The following TCERG1L variants were observed in gnomAD, a reference collection of about 807,000 sequenced individuals.
TCERG1L encodes the protein transcription elongation regulator 1-like protein.
TCERG1L carries 37 observed loss-of-function variants against 56.3 expected under a neutral mutation model. That is an observed-to-expected ratio of 0.66 (90% CI 0.51 to 0.87). TCERG1L has a LOEUF of 0.87. TCERG1L is among the 40% of genes least tolerant of loss of function. The pLI is 0.00. For synonymous variants in TCERG1L, 324 were observed against 326.3 expected (o/e 0.99, Z 0.08); for missense variants, 799 against 774.2 (o/e 1.03, Z -0.38).
chr10:131,100,550 C>G (rs1216818723), intron 10 of TCERG1L, among the ~76,000 whole-genome samples: 1 of 152,192 alleles, frequency 6.6e-6, no homozygotes, highest in African/African-American at 2.4e-5. Flanking sequence ...AAAAGAGATT[C>G]CACTGGCTGT....
chr10:131,272,310 G>A (rs1040732812), intron 3 of TCERG1L, among the ~76,000 whole-genome samples: 1 of 152,228 alleles, frequency 6.6e-6, no homozygotes, highest in African/African-American at 2.4e-5. Flanking sequence ...CAGGACACGT[G>A]CGTTTGAACT....
chr10:131,306,373 A>G (rs1589779361), intron 3 of TCERG1L, among the ~76,000 whole-genome samples: 1 of 152,204 alleles, frequency 6.6e-6, no homozygotes, highest in South Asian at 2.1e-4. Context: ...TTCTCCCCAA[A>G]ACATAATTAA....
At chr10:131,294,857 T>C (rs1381512769) in intron 3 of TCERG1L, among the ~76,000 whole-genome samples, 1 of 151,994 alleles carries the variant, frequency 6.6e-6, no homozygotes, top group East Asian at 1.9e-4. Flanking sequence ...TTAAGTTGGA[T>C]GCACTCAGGT....
chr10:131,247,946 CACAT>C (rs1293524873), intron 4 of TCERG1L, among the ~76,000 whole-genome samples: 1 of 151,924 alleles, frequency 6.6e-6, no homozygotes, highest in South Asian at 2.1e-4. Flanking sequence ...CAGGTAAACT[CACAT>C]ACACACACTA....
At chr10:131,292,196 T>C (rs1228963885) in intron 3 of TCERG1L, among the ~76,000 whole-genome samples, 2 of 152,182 alleles carry the variant, frequency 1.3e-5, no homozygotes, top group Non-Finnish European at 1.5e-5. Flanking sequence ...CAGTGTGGCG[T>C]TTTTTAGCTA....
chr10:131,155,601 C>T (rs927711704), intron 6 of TCERG1L, among the ~76,000 whole-genome samples: 1 of 152,208 alleles, frequency 6.6e-6, no homozygotes, highest in Non-Finnish European at 1.5e-5. Flanking sequence ...TTCCTCAAAC[C>T]CAGGGACTCA....
chr10:131,116,723 A>T (rs1589778948), intron 9 of TCERG1L, 76 bp downstream of exon 9: 1 of 1,529,628 alleles, frequency 6.5e-7, no homozygotes, highest in East Asian at 2.4e-5. Context: ...GGCGACCCTC[A>T]GGCAGGGACG....
chr10:131,282,269 A>T (rs1280126282), intron 3 of TCERG1L, among the ~76,000 whole-genome samples: 2 of 152,186 alleles, frequency 1.3e-5, no homozygotes, highest in African/African-American at 4.8e-5. Flanking sequence ...CAAACGTCTC[A>T]GAATTATATT....
chr10:131,166,765 T>G, intron 5 of TCERG1L, 32 bp downstream of exon 5: 7 of 1,610,522 alleles, frequency 4.3e-6, no homozygotes, highest in Non-Finnish European at 5.1e-6. Flanking sequence ...GGGTTTTGTG[T>G]CTTTAACACA....
At position 131,104,272 on chromosome 10, in the gene TCERG1L, C is replaced by G; in HGVS notation, c.1478G>C (p.Arg493Pro). Residue 493 changes from arginine to proline, a missense_variant, in exon 10 of 12, where the codon CGA becomes CCA. By Grantham distance (103) the Arg-to-Pro change is moderately radical. Transcript: ENST00000368642. ...PRYLLLNSEE[R>P]KQIFEQFVKT... ...GCCTTCCCACCCAGTTACCTGCTTTCGTTCCTCAGAGTTGAGCAGGAGATA... is the reference window on the plus strand; with the variant it reads ...GCCTTCCCACCCAGTTACCTGCTTTGGTTCCTCAGAGTTGAGCAGGAGATA... 1 of 1,548,078 alleles carries G rather than the reference C, an allele frequency of 6.5e-7. No individual in the cohort carries two copies. Among genetic ancestry groups the G allele is most frequent in the Non-Finnish European group, 8.7e-7 (1 of 1,143,946 alleles).
chr10:131,260,771 A>C lies in TCERG1L; in HGVS notation c.671-327T>G, dbSNP rs1263719411. On this transcript the variant is annotated intron_variant, in intron 3 of 11. Transcript: ENST00000368642. This position sits in a 1 kb window ranked among gnomAD's most constrained non-coding sequence, Gnocchi z 5.8. ...GCTTGTCCCTGGTGCCAGTGTGTTAAGTACCTAATCAGAAGTGACCATGAA... is the reference window on the plus strand; with the variant it reads ...GCTTGTCCCTGGTGCCAGTGTGTTACGTACCTAATCAGAAGTGACCATGAA... Among the ~76,000 whole-genome samples, 6 of 152,192 alleles carry C rather than the reference A, an allele frequency of 3.9e-5. No individual in the cohort carries two copies. The highest frequency in any genetic ancestry group is 1.4e-4 in the African/African-American group (6 of 41,452).
chr10:131,154,019 G>C (rs1845893915), intron 6 of TCERG1L, among the ~76,000 whole-genome samples: 1 of 152,090 alleles, frequency 6.6e-6, no homozygotes, highest in Admixed American at 6.5e-5. Flanking sequence ...CCACTGGACG[G>C]GGCCAGCTGT....
chr10:131,130,551 G>A (rs1042607457), intron 8 of TCERG1L, among the ~76,000 whole-genome samples: 35 of 152,200 alleles, frequency 2.3e-4, no homozygotes, highest in African/African-American at 8.4e-4. Flanking sequence ...CCTGTGATCT[G>A]CTCTGACCCT....
intron 7 of TCERG1L, among the ~76,000 whole-genome samples, chr10:131,144,867 C>T (rs1845778891): frequency 1.3e-5 from 2 of 152,168 alleles, no homozygotes; most frequent in African/African-American, 4.8e-5. Flanking sequence ...GCCAGGAAAT[C>T]CAGGCCCCTG....
At chr10:131,274,892 G>C (rs1200748826) in intron 3 of TCERG1L, among the ~76,000 whole-genome samples, 1 of 152,232 alleles carries the variant, frequency 6.6e-6, no homozygotes, top group Admixed American at 6.5e-5. Flanking sequence ...CTGCAGTTTG[G>C]ATTGTCACAT....
intron 4 of TCERG1L, among the ~76,000 whole-genome samples, chr10:131,257,187 G>A (rs1055623064): frequency 2.6e-5 from 4 of 152,172 alleles, no homozygotes; most frequent in African/African-American, 7.2e-5. Flanking sequence ...CAGGCAGGGC[G>A]GGGATGGAAA....
intron 3 of TCERG1L, among the ~76,000 whole-genome samples, chr10:131,302,578 T>A: frequency 6.6e-6 from 1 of 151,526 alleles, no homozygotes; most frequent in South Asian, 2.1e-4. Flanking sequence ...TTAACATAGC[T>A]AGATCTTTTA....
intron 3 of TCERG1L, among the ~76,000 whole-genome samples, chr10:131,302,185 T>G (rs1393131426): frequency 6.6e-6 from 1 of 152,074 alleles, no homozygotes; most frequent in Non-Finnish European, 1.5e-5. Flanking sequence ...GAACCAAGCT[T>G]GTCTAGTACT....
chr10:131,203,581 G>A (rs879359169), intron 4 of TCERG1L, among the ~76,000 whole-genome samples: 13 of 152,180 alleles, frequency 8.5e-5, no homozygotes, highest in Admixed American at 1.3e-4. Flanking sequence ...AAGATGGTGC[G>A]TCTCTCCCAT....
Sources: allele counts gnomAD v4.1 joint callset (sites outside exome capture counted in the v4.1 genomes callset), GRCh38; gene constraint gnomAD v4.1.1; non-coding constraint Gnocchi (gnomAD v3.1); transcripts MANE v1.5; gene names NCBI Gene and HGNC (gene_info 2026-07-23, HGNC 2026-07-21).